Variants in CLDN10 observed in about 807,000 individuals in gnomAD.
CLDN10 encodes claudin 10.
In CLDN10, 15 loss-of-function variants were observed where a neutral mutation model predicts 22.9. The observed-to-expected ratio is 0.65, with a 90% CI of 0.44 to 1.01. The LOEUF (loss-of-function observed/expected upper bound fraction) is 1.01. CLDN10 is among the 50% of genes least tolerant of loss of function. The probability of loss-of-function intolerance (pLI) is 0.00; values close to 1 mark genes in which losing one functional copy is unlikely to be tolerated. For synonymous variants in CLDN10, 114 were observed against 111.4 expected (o/e 1.02, Z -0.15); for missense variants, 247 against 287.8 (o/e 0.86, Z 1.03).
intron 1 of CLDN10, among the ~76,000 whole-genome samples, chr13:95,506,251 T>G (rs1474550393): frequency 6.6e-6 from 1 of 152,114 alleles, no homozygotes; most frequent in Non-Finnish European, 1.5e-5. Context: ...ACAGCTGAAA[T>G]TTAATTTCCA....
intron 1 of CLDN10, among the ~76,000 whole-genome samples, chr13:95,463,932 T>C (rs1200615830): frequency 3.3e-5 from 5 of 152,150 alleles, no homozygotes; most frequent in Admixed American, 6.5e-5. Flanking sequence ...AATTTCACTC[T>C]GTGATCAAAC....
intron 1 of CLDN10, among the ~76,000 whole-genome samples, chr13:95,459,971 T>A (rs1189667291): frequency 6.6e-6 from 1 of 152,216 alleles, no homozygotes; most frequent in Non-Finnish European, 1.5e-5. Flanking sequence ...ACTTTGCTTC[T>A]TAGAAATTTC....
At chr13:95,500,473 G>T (rs1435410375) in intron 1 of CLDN10, among the ~76,000 whole-genome samples, 2 of 152,186 alleles carry the variant, frequency 1.3e-5, no homozygotes, top group African/African-American at 4.8e-5. Context: ...CTACATTTGA[G>T]GCCAGTGTTG....
Position 95,521,270 on chromosome 13 carries a change from G to T in CLDN10, c.215-38862G>T, listed in dbSNP as rs139754314. 9.5e-3 allele frequency among the ~76,000 whole-genome samples: 1,451 copies of T among 152,256 alleles called. 21 individuals carry two copies. The highest frequency in any genetic ancestry group is 0.033 in the African/African-American group (1,362 of 41,564). ...CCTTGTTTTGTTCCTGATTTCAAAA[G>T]AAAAACTTTCAATGTTTTATCAATA... On this transcript the variant is annotated intron_variant, in intron 1 of 4. Transcript: ENST00000376873.
At chr13:95,563,132 C>CTCTCTCTCTCTG (rs1359208916) in intron 3 of CLDN10, among the ~76,000 whole-genome samples, 1 of 142,156 alleles carries the variant, frequency 7.0e-6, no homozygotes, top group African/African-American at 2.6e-5. Context: ...CTCTCTCTCT[C>CTCTCTCTCTCTG]TCTGTCTGTA....
intron 1 of CLDN10, among the ~76,000 whole-genome samples, chr13:95,534,473 C>A (rs1297674108): frequency 6.6e-6 from 1 of 152,034 alleles, no homozygotes; most frequent in Non-Finnish European, 1.5e-5. Flanking sequence ...GTATGAATAT[C>A]TTTAGTAAAT....
At chr13:95,512,428 G>A (rs1229891335) in intron 1 of CLDN10, among the ~76,000 whole-genome samples, 1 of 151,976 alleles carries the variant, frequency 6.6e-6, no homozygotes, top group African/African-American at 2.4e-5. Flanking sequence ...GTTTGTTTTG[G>A]GTTTGTGTAT....
chr13:95,477,231 G>T (rs1224266123), intron 1 of CLDN10, among the ~76,000 whole-genome samples: 1 of 152,192 alleles, frequency 6.6e-6, no homozygotes, highest in East Asian at 1.9e-4. Context: ...CGTGGCCAGA[G>T]CCCTTATTAT....
intron 1 of CLDN10, among the ~76,000 whole-genome samples, chr13:95,558,505 C>T (rs1417462961): frequency 1.3e-5 from 2 of 152,250 alleles, no homozygotes; most frequent in South Asian, 2.1e-4. Context: ...TGGAAGGTCA[C>T]TGTCCTTGCA....
rs189097534 is a variant in CLDN10 at position 95,560,714 on chromosome 13, C to T, written c.464+251C>T. 1,251 of 468,874 alleles carry T rather than the reference C, an allele frequency of 2.7e-3. 17 individuals carry two copies. Among genetic ancestry groups the T allele is most frequent in the African/African-American group, 0.024 (1,145 of 48,048 alleles). 29.0% of individuals were successfully genotyped at this position (468,874 alleles called of 1,614,324 possible). A position where few individuals can be genotyped will look rare whatever the true frequency, so the allele number is the denominator to read the frequency against. On this transcript the variant is annotated intron_variant, in intron 3 of 4. Transcript: ENST00000299339. The stretch of plus-strand genomic sequence containing the variant: ...GCATCAAATTTAGAACTATAAACTT[C>T]ATCGTTTGCTGTACATCATGAAACT...
chr13:95,443,111 C>T (rs2042340214), intron 1 of CLDN10, among the ~76,000 whole-genome samples: 1 of 152,174 alleles, frequency 6.6e-6, no homozygotes, highest in Non-Finnish European at 1.5e-5. Context: ...CACTGGGGAC[C>T]ATATTTCTAA....
chr13:95,447,352 C>A (rs909832275), intron 1 of CLDN10, among the ~76,000 whole-genome samples: 1 of 152,180 alleles, frequency 6.6e-6, no homozygotes, highest in Non-Finnish European at 1.5e-5. Flanking sequence ...CTTGACGCGG[C>A]GCCTGGTTCT....
chr13:95,463,292 A>ATAT (rs1282452790), intron 1 of CLDN10, among the ~76,000 whole-genome samples: 4 of 45,598 alleles, frequency 8.8e-5, no homozygotes, highest in African/African-American at 6.6e-4. Context: ...CTTAATATAT[A>ATAT]TATATATATA....
intron 1 of CLDN10, among the ~76,000 whole-genome samples, chr13:95,546,130 A>G (rs2043507163): frequency 1.3e-5 from 2 of 152,260 alleles, no homozygotes; most frequent in Admixed American, 1.3e-4. Context: ...AATTCTGATT[A>G]TAAAAGCAAT....
chr13:95,528,095 A>G (rs1203545269), intron 1 of CLDN10, among the ~76,000 whole-genome samples: 1 of 152,092 alleles, frequency 6.6e-6, no homozygotes, highest in Non-Finnish European at 1.5e-5. Flanking sequence ...ATCTGTCTCT[A>G]TAATGCCACC....
intron 1 of CLDN10, among the ~76,000 whole-genome samples, chr13:95,463,177 ATATC>A (rs1292015372): frequency 1.3e-5 from 2 of 150,846 alleles, no homozygotes; most frequent in Non-Finnish European, 3.0e-5. Flanking sequence ...TTAACTATCA[ATATC>A]TAACTATCTA....
At position 95,497,448 on chromosome 13, in the gene CLDN10, C is replaced by T. The variant is rs2042940935; in HGVS notation, c.215-62684C>T. On this transcript the variant is annotated intron_variant, in intron 1 of 4. Transcript: ENST00000376873. ...CTGAGCTCAGTGCCAGGACTCTGTG[C>T]CAACCGCCACAGCCCTGACAGGAAG... Among the ~76,000 whole-genome samples the T allele has an allele frequency of 3.3e-5, 5 of 152,110 alleles. No homozygotes were observed. The South Asian group carries it at 1.0e-3, about 32-fold the overall frequency.
chr13:95,567,793 C>G (rs2043804651), intron 3 of CLDN10, among the ~76,000 whole-genome samples: 1 of 152,050 alleles, frequency 6.6e-6, no homozygotes, highest in Admixed American at 6.5e-5. Flanking sequence ...GAGATGTGTT[C>G]CATCAATACG....
In CLDN10 at chr13:95,436,166, C is replaced by A. The variant is rs2042269079; in HGVS notation, c.214+2119C>A. Among the ~76,000 whole-genome samples, 3 of 152,152 alleles carry A rather than the reference C, an allele frequency of 2.0e-5. No homozygotes were observed. In the South Asian group the frequency reaches 6.2e-4, roughly 32 times the overall value. ...TTTATTATGGTCCAGATATCTCTCACCCTTAACACTTTCTTATTTTTTATT... is the reference window on the plus strand; with the variant it reads ...TTTATTATGGTCCAGATATCTCTCAACCTTAACACTTTCTTATTTTTTATT... On this transcript the variant is annotated intron_variant, in intron 1 of 4. Transcript: ENST00000376873.
Sources: gnomAD v4.1 joint callset for allele counts (sites outside exome capture counted in the v4.1 genomes callset) on GRCh38, gnomAD v4.1.1 for gene constraint, MANE v1.5 for transcripts, NCBI Gene and HGNC (gene_info 2026-07-23, HGNC 2026-07-21) for gene names.